The following PFN3 variants were observed in gnomAD, a reference collection of about 807,000 sequenced individuals.
PFN3 encodes profilin-3.
In PFN3, 7 loss-of-function variants were observed where a neutral mutation model predicts 6.2. The ratio of observed to expected loss-of-function variants is 1.13; its 90% confidence interval spans 0.64 to 2.13. The LOEUF (loss-of-function observed/expected upper bound fraction) is 2.13. PFN3 is among the 30% of genes most tolerant of loss of function. PFN3 has a pLI of 0.00. For synonymous variants in PFN3, 112 were observed against 97.7 expected, an observed-to-expected ratio of 1.15 and a Z score of -0.87; for missense variants, 251 against 209.3, an observed-to-expected ratio of 1.20 and a Z score of -1.23.
chr5:177,400,118 C>T lies in PFN3; in HGVS notation c.*45G>A. ...GGAGGAGCCAGCCGCGCCCAGGTCA[C>T]AGTTTATTTGGCCCGCGCTACCAGT... On this transcript the variant is annotated 3_prime_UTR_variant, in exon 1 of 1. Transcript: ENST00000358571. 3 of 1,601,566 alleles carry T rather than the reference C, an allele frequency of 1.9e-6. No individual in the cohort carries two copies. Among genetic ancestry groups the T allele is most frequent in the Non-Finnish European group, 2.6e-6 (3 of 1,174,732 alleles).
In PFN3 at chr5:177,400,454, C is replaced by A; in HGVS notation, c.123G>T (p.Ala41=). 6.4e-7 allele frequency: 1 copy of A among 1,561,900 alleles called. No individual in the cohort carries two copies. The highest frequency in any genetic ancestry group is 8.6e-7 in the Non-Finnish European group (1 of 1,161,244). The change falls in exon 1 of 1, where the codon GCG becomes GCT. Residue 41 remains alanine (A), a synonymous_variant. Transcript: ENST00000358571. ...VWASRPGGLL[A]AISPQEVGVL... ...CGCCCACCTCCTGCGGCGAGATGGC[C>A]GCCAGCAGGCCCCCGGGCCGCGAAG... is the stretch of plus-strand genomic sequence containing the variant.
rs1435788241 is a variant in PFN3 at position 177,400,601 on chromosome 5, C to T, written c.-25G>A. 1 of 1,585,602 alleles carries T rather than the reference C, an allele frequency of 6.3e-7. No individual in the cohort carries two copies. Among genetic ancestry groups the T allele is most frequent in the Non-Finnish European group, 8.5e-7 (1 of 1,174,392 alleles). Reference sequence around the variant, plus strand: ...TCGCGCTCCGAGTGCGCCCAGCCGCCTCGCACCTCTCGGGGAAATATAGAG... The same window carrying T: ...TCGCGCTCCGAGTGCGCCCAGCCGCTTCGCACCTCTCGGGGAAATATAGAG... On this transcript the variant is annotated 5_prime_UTR_variant, in exon 1 of 1. Transcript: ENST00000358571.
rs1581653538 is a variant in PFN3 at position 177,400,642 on chromosome 5, G to C, written c.-66C>G. 5 of 1,527,526 alleles carry C rather than the reference G, an allele frequency of 3.3e-6. No individual in the cohort carries two copies. Among genetic ancestry groups the C allele is most frequent in the African/African-American group, 2.8e-5 (2 of 71,916 alleles). 94.6% of individuals were successfully genotyped at this position (1,527,526 alleles called of 1,614,324 possible). A position where few individuals can be genotyped will look rare whatever the true frequency, so the allele number is the denominator to read the frequency against. On this transcript the variant is annotated 5_prime_UTR_variant, in exon 1 of 1. Transcript: ENST00000358571. ...AAATATAGAGGCGCCACGCGGGGAA[G>C]GCCTGCGGCGCTGTGAGGCAGGCTG... is the stretch of plus-strand genomic sequence containing the variant.
chr5:177,400,334 C>T lies in PFN3; in HGVS notation c.243G>A (p.Glu81=), dbSNP rs1305822445. 2.6e-5 allele frequency: 40 copies of T among 1,541,258 alleles called. No homozygotes were observed. The highest frequency in any genetic ancestry group is 3.2e-5 in the Non-Finnish European group (37 of 1,145,704). The change falls in exon 1 of 1, where the codon GAG becomes GAA. Residue 81 remains glutamate, a synonymous_variant. Transcript: ENST00000358571. ...TGCGTGCGTCCAGCACGCCGTCACC[C>T]TCGGCCAGCAGGTGGTCGCGGATGA... is the stretch of plus-strand genomic sequence containing the variant. ...CCVIRDHLLA[E]GDGVLDARTK...
rs1742045216 is a variant in PFN3 at position 177,400,631 on chromosome 5, C to T, written c.-55G>A. The T allele has an allele frequency of 6.4e-7, 1 of 1,552,748 alleles. No individual in the cohort carries two copies. Among genetic ancestry groups the T allele is most frequent in the Non-Finnish European group, 8.6e-7 (1 of 1,156,220 alleles). On this transcript the variant is annotated 5_prime_UTR_variant, in exon 1 of 1. Transcript: ENST00000358571. Reference sequence around the variant, plus strand: ...ACCTCTCGGGGAAATATAGAGGCGCCACGCGGGGAAGGCCTGCGGCGCTGT... The same window carrying T: ...ACCTCTCGGGGAAATATAGAGGCGCTACGCGGGGAAGGCCTGCGGCGCTGT...
At position 177,400,454 on chromosome 5, in the gene PFN3, CG is replaced by C; in HGVS notation, c.122del (p.Ala41GlyfsTer24). 6.4e-7 allele frequency: 1 copy of C among 1,561,900 alleles called. No homozygotes were observed. Among genetic ancestry groups the C allele is most frequent in the Non-Finnish European group, 8.6e-7 (1 of 1,161,244 alleles). On this transcript the variant is annotated frameshift_variant, in exon 1 of 1. Transcript: ENST00000358571. LOFTEE classifies it high-confidence loss of function. ...VWASRPGGLLAAISPQEVGVL... is the reference protein window; with the variant it reads ...VWASRPGGLLXAISPQEVGVL... ...CGCCCACCTCCTGCGGCGAGATGGC[CG>C]CCAGCAGGCCCCCGGGCCGCGAAGC...
In PFN3 at chr5:177,400,471, G is replaced by A; in HGVS notation, c.106C>T (p.Pro36Ser). ...ADNSCVWASR[P>S]GGLLAAISPQ... ...GAGATGGCCGCCAGCAGGCCCCCGG[G>A]CCGCGAAGCCCACACGCAGCTGTTG... is the stretch of plus-strand genomic sequence containing the variant. Residue 36 changes from proline (P) to serine (S), a missense_variant, in exon 1 of 1, where the codon CCC (proline) becomes TCC (serine). By Grantham distance (74) the Pro-to-Ser change is moderately conservative (BLOSUM62 -1). Transcript: ENST00000358571. 1 of 1,576,412 alleles carries A rather than the reference G, an allele frequency of 6.3e-7. No homozygotes were observed. Among genetic ancestry groups the A allele is most frequent in the Non-Finnish European group, 8.6e-7 (1 of 1,169,176 alleles).
chr5:177,400,567 A>C lies in PFN3; in HGVS notation c.10T>G (p.Trp4Gly). Residue 4 changes from tryptophan (W) to glycine (G), a missense_variant, in exon 1 of 1, where the codon TGG becomes GGG. Transcript: ENST00000358571. Reference sequence around the variant, plus strand: ...AGCACTGCACTGATGTAGACCTTCCAGTCGCCCATCGCGCTCCGAGTGCGC... The same window carrying C: ...AGCACTGCACTGATGTAGACCTTCCCGTCGCCCATCGCGCTCCGAGTGCGC... MGD[W>G]KVYISAVLRD... The C allele has an allele frequency of 6.3e-6, 10 of 1,595,266 alleles. No homozygotes were observed. The highest frequency in any genetic ancestry group is 8.5e-6 in the Non-Finnish European group (10 of 1,178,526).
rs373992503 is a variant in PFN3, at chr5:177,400,274, G to A, written c.303C>T (p.Gly101=). ...KGLDARAVCV[G]RAPRALLVLM... is the part of the protein sequence containing the mutation. ...GCACCAGGAGCGCGCGCGGCGCACG[G>A]CCCACGCACACGGCGCGCGCGTCCA... The change falls in exon 1 of 1, where the codon GGC becomes GGT. Residue 101 remains glycine (G), a synonymous_variant. Coordinates refer to ENST00000358571, the MANE Select transcript of PFN3 (RefSeq NM_001029886.3). 1.4e-5 allele frequency: 22 copies of A among 1,604,166 alleles called. No homozygotes were observed. The highest frequency in any genetic ancestry group is 1.7e-5 in the Non-Finnish European group (20 of 1,176,016).
In PFN3 at chr5:177,400,502, A is replaced by G; in HGVS notation, c.75T>C (p.His25=). The G allele has an allele frequency of 6.3e-7, 1 of 1,595,292 alleles. No homozygotes were observed. Among genetic ancestry groups the G allele is most frequent in the South Asian group, 1.1e-5 (1 of 90,410 alleles). Residue 25 remains histidine, a synonymous_variant, in exon 1 of 1, where the codon CAT becomes CAC. Transcript: ENST00000358571. ...QRIDDVAIVG[H]ADNSCVWASR... is the part of the protein sequence containing the mutation. ...AAGCCCACACGCAGCTGTTGTCCGC[A>G]TGGCCCACGATGGCCACGTCGTCGA... is the stretch of plus-strand genomic sequence containing the variant.
Position 177,400,636 on chromosome 5 carries a change from G to A in PFN3, c.-60C>T. 2 of 1,544,228 alleles carry A rather than the reference G, an allele frequency of 1.3e-6. No homozygotes were observed. Among genetic ancestry groups the A allele is most frequent in the Non-Finnish European group, 1.7e-6 (2 of 1,151,162 alleles). ...TCGGGGAAATATAGAGGCGCCACGC[G>A]GGGAAGGCCTGCGGCGCTGTGAGGC... On this transcript the variant is annotated 5_prime_UTR_variant, in exon 1 of 1. Transcript: ENST00000358571.
At position 177,400,539 on chromosome 5, in the gene PFN3, C is replaced by T. The variant is rs1389425855; in HGVS notation, c.38G>A (p.Arg13Gln). The part of the protein sequence containing the change: ...DWKVYISAVL[R>Q]DQRIDDVAIV... ...GGCCACGTCGTCGATGCGCTGGTCC[C>T]GCAGCACTGCACTGATGTAGACCTT... Residue 13 changes from arginine (R) to glutamine (Q), a missense_variant, in exon 1 of 1, where the codon CGG (arginine) becomes CAG (glutamine). Physicochemically the swap from Arg to Gln is conservative, Grantham distance 43 (BLOSUM62 1). Coordinates refer to ENST00000358571, the MANE Select transcript of PFN3 (RefSeq NM_001029886.3). 7 of 1,597,300 alleles carry T rather than the reference C, an allele frequency of 4.4e-6. No individual in the cohort carries two copies. The Admixed American group carries it at 1.0e-4, about 23-fold the overall frequency.
rs1287618725 is a variant in PFN3, at chr5:177,400,613, G to A, written c.-37C>T. ...TGCGCCCAGCCGCCTCGCACCTCTC[G>A]GGGAAATATAGAGGCGCCACGCGGG... On this transcript the variant is annotated 5_prime_UTR_variant, in exon 1 of 1. Coordinates refer to ENST00000358571, the MANE Select transcript of PFN3 (RefSeq NM_001029886.3). 7 of 1,578,128 alleles carry A rather than the reference G, an allele frequency of 4.4e-6. No individual in the cohort carries two copies. The highest frequency in any genetic ancestry group is 3.5e-5 in the Admixed American group (2 of 57,952).
At position 177,400,453 on chromosome 5, in the gene PFN3, C is replaced by T; in HGVS notation, c.124G>A (p.Ala42Thr). 6.4e-7 allele frequency: 1 copy of T among 1,560,904 alleles called. No individual in the cohort carries two copies. The highest frequency in any genetic ancestry group is 8.6e-7 in the Non-Finnish European group (1 of 1,160,600). The change falls in exon 1 of 1, where the codon GCC (alanine) becomes ACC (threonine). Residue 42 changes from alanine to threonine, a missense_variant. By Grantham distance (58) the Ala-to-Thr change is moderately conservative (BLOSUM62 0). Transcript: ENST00000358571. ...WASRPGGLLA[A>T]ISPQEVGVLT... ...ACGCCCACCTCCTGCGGCGAGATGG[C>T]CGCCAGCAGGCCCCCGGGCCGCGAA...
rs1763100894 is a variant in PFN3, at chr5:177,400,366, A to C, written c.211T>G (p.Cys71Gly). 11 of 1,536,998 alleles carry C rather than the reference A, an allele frequency of 7.2e-6. No homozygotes were observed. The highest frequency in any genetic ancestry group is 1.4e-5 in the African/African-American group (1 of 71,554). Residue 71 changes from cysteine to glycine, a missense_variant, in exon 1 of 1, where the codon TGC becomes GGC. Physicochemically the swap from Cys to Gly is radical, Grantham distance 159. Coordinates refer to ENST00000358571, the MANE Select transcript of PFN3 (RefSeq NM_001029886.3). ...AGCAGGTGGTCGCGGATGACGCAGCAGCGGCGGCCCCCCACGCTCAGGCCC... is the reference window on the plus strand; with the variant it reads ...AGCAGGTGGTCGCGGATGACGCAGCCGCGGCGGCCCCCCACGCTCAGGCCC... ...QAGLSVGGRR[C>G]CVIRDHLLAE...
chr5:177,400,142 G>A lies in PFN3; in HGVS notation c.*21C>T. The A allele has an allele frequency of 6.2e-7, 1 of 1,609,782 alleles. No homozygotes were observed. The highest frequency in any genetic ancestry group is 8.5e-7 in the Non-Finnish European group (1 of 1,178,570). On this transcript the variant is annotated 3_prime_UTR_variant, in exon 1 of 1. Transcript: ENST00000358571. Reference sequence around the variant, plus strand: ...ACAGTTTATTTGGCCCGCGCTACCAGTGGGCGGCCTGGCTGGCCGGCTAGG... The same window carrying A: ...ACAGTTTATTTGGCCCGCGCTACCAATGGGCGGCCTGGCTGGCCGGCTAGG...
chr5:177,400,240 G>T lies in PFN3; in HGVS notation c.337C>A (p.Arg113=), dbSNP rs759887952. 8 of 1,611,350 alleles carry T rather than the reference G, an allele frequency of 5.0e-6. No homozygotes were observed. The highest frequency in any genetic ancestry group is 1.7e-5 in the Admixed American group (1 of 59,904). ...AGGATGCCCCCATGTACGCCGCGTC[G>T]GCCCATTAGCACCAGGAGCGCGCGC... ...APRALLVLMG[R]RGVHGGILNK... Residue 113 remains arginine, a synonymous_variant, in exon 1 of 1, where the codon CGA becomes AGA. Coordinates refer to ENST00000358571, the MANE Select transcript of PFN3 (RefSeq NM_001029886.3).
In PFN3 at chr5:177,400,426, G is replaced by A. The variant is rs747315715; in HGVS notation, c.151C>T (p.Leu51Phe). The A allele has an allele frequency of 1.3e-6, 2 of 1,544,230 alleles. No homozygotes were observed. The highest frequency in any genetic ancestry group is 2.4e-5 in the East Asian group (1 of 41,226). ...AAGGTGTGCCTGTCCGGCCCCGTGA[G>A]CACGCCCACCTCCTGCGGCGAGATG... The part of the protein sequence containing the change: ...AAISPQEVGV[L>F]TGPDRHTFLQ... Residue 51 changes from leucine (L) to phenylalanine (F), a missense_variant, in exon 1 of 1, where the codon CTC becomes TTC. Leu to Phe is a conservative substitution (Grantham distance 22, BLOSUM62 0). Coordinates refer to ENST00000358571, the MANE Select transcript of PFN3 (RefSeq NM_001029886.3).
chr5:177,400,191 A>T lies in PFN3; in HGVS notation c.386T>A (p.Ile129Lys). 1 of 1,611,978 alleles carries T rather than the reference A, an allele frequency of 6.2e-7. No individual in the cohort carries two copies. The highest frequency in any genetic ancestry group is 8.5e-7 in the Non-Finnish European group (1 of 1,179,576). The change falls in exon 1 of 1, where the codon ATA becomes AAA. Residue 129 changes from isoleucine to lysine, a missense_variant. Coordinates refer to ENST00000358571, the MANE Select transcript of PFN3 (RefSeq NM_001029886.3). ...GILNKTVHEL[I>K]RGLRMQGA ...GGCGCCCTGCATGCGCAGCCCGCGT[A>T]TGAGTTCGTGCACCGTCTTGTTGAG...
Sources: allele counts gnomAD v4.1 joint callset, GRCh38; gene constraint gnomAD v4.1.1; transcripts MANE v1.5; gene names NCBI Gene and HGNC (gene_info 2026-07-23, HGNC 2026-07-21).